STPG2: variants seen among roughly 807,000 people sequenced by gnomAD.
STPG2 encodes sperm-tail PG-rich repeat-containing protein 2.
In STPG2, 56 loss-of-function variants were observed where a neutral mutation model predicts 54.2. The ratio of observed to expected loss-of-function variants is 1.03; its 90% CI spans 0.83 to 1.29. The LOEUF (loss-of-function observed/expected upper bound fraction) is 1.29. Among genes scored for constraint, STPG2 ranks in the 50% most tolerant of loss-of-function variants. The probability of loss-of-function intolerance (pLI) is 0.00; values close to 1 mark genes in which losing one functional copy is unlikely to be tolerated. For synonymous variants in STPG2, 200 were observed against 181.8 expected (o/e 1.10, Z -0.81); for missense variants, 596 against 544.9 (o/e 1.09, Z -0.93).
chr4:98,099,342 T>C (rs1186728706), intron 5 of STPG2, among the ~76,000 whole-genome samples: 2 of 152,146 alleles, frequency 1.3e-5, no homozygotes, highest in East Asian at 3.8e-4. Context: ...GGTCATTATG[T>C]TAACTGAAAT....
rs1291212736 is a variant in STPG2 at position 97,904,588 on chromosome 4, C to T, written c.1044+39309G>A. ...AAGGAACGCAGTTCCTCACCAGCAA[C>T]GGAACAAAGCTGGACAGAGAATGAC... On this transcript the variant is annotated intron_variant, in intron 8 of 10. Transcript: ENST00000295268. 5.9e-5 allele frequency among the ~76,000 whole-genome samples: 9 copies of T among 152,178 alleles called. No homozygotes were observed. The South Asian group carries it at 6.2e-4, about 10-fold the overall frequency.
At chr4:97,509,659 C>T (rs1488658283) in intron 4 of STPG2, among the ~76,000 whole-genome samples, 1 of 151,940 alleles carries the variant, frequency 6.6e-6, no homozygotes, top group Non-Finnish European at 1.5e-5. Context: ...CAAATATGCA[C>T]TTTTAATATT....
At chr4:97,698,636 C>T (rs1343802562) in intron 10 of STPG2, among the ~76,000 whole-genome samples, 2 of 152,102 alleles carry the variant, frequency 1.3e-5, no homozygotes, top group East Asian at 3.9e-4. Flanking sequence ...CCACTTCCAC[C>T]CCTTGATTCC....
chr4:97,954,973 T>A (rs1301981503), intron 7 of STPG2, among the ~76,000 whole-genome samples: 1 of 151,978 alleles, frequency 6.6e-6, no homozygotes, highest in Non-Finnish European at 1.5e-5. Flanking sequence ...ATAAAACAGA[T>A]GAAAAAATAG....
intron 10 of STPG2, among the ~76,000 whole-genome samples, chr4:97,646,533 C>A (rs538131796): frequency 6.1e-4 from 93 of 151,976 alleles, no homozygotes; most frequent in Non-Finnish European, 1.0e-3. Flanking sequence ...AACATTAGGA[C>A]CTTTGGGAAA....
intron 5 of STPG2, among the ~76,000 whole-genome samples, chr4:98,010,759 T>G (rs1735720963): frequency 6.6e-6 from 1 of 152,326 alleles, no homozygotes. Flanking sequence ...TTTTTTGCAG[T>G]GCTATGCTTC....
chr4:97,466,839 C>T (rs545159035), intron 4 of STPG2, among the ~76,000 whole-genome samples: 1 of 151,808 alleles, frequency 6.6e-6, no homozygotes, highest in Non-Finnish European at 1.5e-5. Flanking sequence ...AAAACTAGAT[C>T]ATAGATTATT....
chr4:98,082,918 C>G (rs923045728), intron 5 of STPG2, among the ~76,000 whole-genome samples: 2 of 152,190 alleles, frequency 1.3e-5, no homozygotes, highest in Non-Finnish European at 2.9e-5. Flanking sequence ...CTAAATAAAT[C>G]TACTCCATGT....
At chr4:97,841,960 C>T (rs1243885017) in intron 8 of STPG2, among the ~76,000 whole-genome samples, 3 of 151,848 alleles carry the variant, frequency 2.0e-5, no homozygotes, top group East Asian at 3.9e-4. Context: ...AAAAACAAAG[C>T]CTGACCAATC....
chr4:97,515,683 T>C (rs562707918), intron 4 of STPG2, among the ~76,000 whole-genome samples: 1 of 152,180 alleles, frequency 6.6e-6, no homozygotes, highest in Non-Finnish European at 1.5e-5. Flanking sequence ...TTTTTTTAAC[T>C]TTTAAAAAAG....
chr4:97,709,843 T>C (rs1441603320), intron 10 of STPG2, among the ~76,000 whole-genome samples: 2 of 151,918 alleles, frequency 1.3e-5, no homozygotes, highest in Non-Finnish European at 2.9e-5. Context: ...ATACACATAT[T>C]CTTTTCACTG....
intron 4 of STPG2, among the ~76,000 whole-genome samples, chr4:97,448,885 T>G (rs1358765195): frequency 6.6e-6 from 1 of 152,096 alleles, no homozygotes; most frequent in African/African-American, 2.4e-5. Context: ...AAAAATGGAC[T>G]GAGCTGAGGA....
chr4:98,100,614 C>T (rs1244761382), intron 5 of STPG2, among the ~76,000 whole-genome samples: 5 of 150,498 alleles, frequency 3.3e-5, no homozygotes, highest in South Asian at 2.1e-4. Context: ...TTAGGCCTAT[C>T]ACACACCAAA....
chr4:97,762,039 T>A (rs998898217), intron 9 of STPG2, among the ~76,000 whole-genome samples: 2 of 152,176 alleles, frequency 1.3e-5, no homozygotes, highest in Non-Finnish European at 2.9e-5. Context: ...CTATGCCAGC[T>A]CAGTGTCCTT....
At chr4:97,960,507 G>GA (rs1440894928) in intron 7 of STPG2, among the ~76,000 whole-genome samples, 1 of 152,090 alleles carries the variant, frequency 6.6e-6, no homozygotes, top group African/African-American at 2.4e-5. Flanking sequence ...AAAGTTTCCA[G>GA]ATACAAAATT....
intron 5 of STPG2, among the ~76,000 whole-genome samples, chr4:98,086,535 T>A (rs930787982): frequency 6.6e-6 from 1 of 151,996 alleles, no homozygotes; most frequent in Non-Finnish European, 1.5e-5. Flanking sequence ...AGAAAATCAT[T>A]AAATATAGGT....
intron 9 of STPG2, among the ~76,000 whole-genome samples, chr4:97,740,816 C>T (rs1328237409): frequency 6.6e-6 from 1 of 152,080 alleles, no homozygotes; most frequent in African/African-American, 2.4e-5. Flanking sequence ...CAATGCCATC[C>T]CCATCAAGCT....
chr4:97,482,785 A>AG (rs1351900090), intron 4 of STPG2, among the ~76,000 whole-genome samples: 2 of 151,662 alleles, frequency 1.3e-5, no homozygotes, highest in Non-Finnish European at 3.0e-5. Context: ...GATAAAGGAA[A>AG]GTACCTTAAG....
chr4:97,685,785 G>A (rs1578479184), intron 10 of STPG2, among the ~76,000 whole-genome samples: 4 of 152,086 alleles, frequency 2.6e-5, no homozygotes, highest in African/African-American at 9.7e-5. Context: ...CAGAACCTGG[G>A]GTTCTAATAT....
Sources: allele counts gnomAD v4.1 joint callset (sites outside exome capture counted in the v4.1 genomes callset), GRCh38; gene constraint gnomAD v4.1.1; transcripts MANE v1.5; gene names NCBI Gene and HGNC (gene_info 2026-07-23, HGNC 2026-07-21).